TSPAN17: variants seen among roughly 807,000 people sequenced by gnomAD.
The protein encoded by TSPAN17 is tetraspanin-17.
TSPAN17 carries 33 observed loss-of-function variants against 40.5 expected under a neutral mutation model. The ratio of observed to expected loss-of-function variants is 0.81; its 90% CI spans 0.62 to 1.09. The LOEUF is 1.09. TSPAN17 is among the 50% of genes least tolerant of loss of function. The pLI is 0.00. For missense variants in TSPAN17, 365 were observed against 416.8 expected (o/e 0.88, Z 1.08); for synonymous variants, 166 against 169.4 (o/e 0.98, Z 0.15).
At position 176,657,733 on chromosome 5, in the gene TSPAN17, T is replaced by C; in HGVS notation, c.*35T>C. ...AAAAGTCCAGATCCACAGCTTCTCTTGAAGAATGACCACCTGGCTACGCCG... is the reference window on the plus strand; with the variant it reads ...AAAAGTCCAGATCCACAGCTTCTCTCGAAGAATGACCACCTGGCTACGCCG... On this transcript the variant is annotated 3_prime_UTR_variant, in exon 9 of 9. Coordinates refer to ENST00000508164, the MANE Select transcript of TSPAN17 (RefSeq NM_130465.5). The C allele has an allele frequency of 2.0e-6, 3 of 1,533,224 alleles. No individual in the cohort carries two copies. The highest frequency in any genetic ancestry group is 2.6e-6 in the Non-Finnish European group (3 of 1,144,514). 95.0% of individuals were successfully genotyped at this position (1,533,224 alleles called of 1,614,324 possible). A position where few individuals can be genotyped will look rare whatever the true frequency, so the allele number is the denominator to read the frequency against.
rs1761214129 is a variant in TSPAN17, at chr5:176,657,722, A to G, written c.*24A>G. On this transcript the variant is annotated 3_prime_UTR_variant, in exon 9 of 9. Coordinates refer to ENST00000508164, the MANE Select transcript of TSPAN17 (RefSeq NM_130465.5). ...AGATTTCACATAAAAGTCCAGATCC[A>G]CAGCTTCTCTTGAAGAATGACCACC... 1 of 1,540,904 alleles carries G rather than the reference A, an allele frequency of 6.5e-7. No homozygotes were observed. The highest frequency in any genetic ancestry group is 8.7e-7 in the Non-Finnish European group (1 of 1,148,134).
chr5:176,655,650 G>A (rs1761125623), intron 5 of TSPAN17, among the ~76,000 whole-genome samples: 1 of 151,510 alleles, frequency 6.6e-6, no homozygotes, highest in South Asian at 2.1e-4. Flanking sequence ...GGCACGTGGG[G>A]CCAGGTGTGG....
Position 176,647,709 on chromosome 5 carries a change from G to T in TSPAN17, c.87+7G>T. 1 of 1,581,660 alleles carries T rather than the reference G, an allele frequency of 6.3e-7. No individual in the cohort carries two copies. On this transcript the variant is annotated splice_region_variant and intron_variant, in intron 1 of 8. Coordinates refer to ENST00000508164, the MANE Select transcript of TSPAN17 (RefSeq NM_130465.5). ...CTTCAACATTGTCTTCTGGGTGAGC[G>T]CGGGGTCTGCGCCTTGCCCTGTGCT...
chr5:176,657,661 G>A lies in TSPAN17; in HGVS notation c.953G>A (p.Gly318Asp), dbSNP rs1761212067. 6.2e-7 allele frequency: 1 copy of A among 1,606,980 alleles called. No homozygotes were observed. The highest frequency in any genetic ancestry group is 2.2e-5 in the East Asian group (1 of 44,820). ...PPSRHVFFGL[G>D]GLYPEPTFKN... ...AGCCGACATGTTTTCTTTGGCCTGG[G>A]TGGTTTATACCCTGAGCCAACCTTT... Residue 318 changes from glycine (G) to aspartate (D), a missense_variant, in exon 9 of 9, where the codon GGT becomes GAT. Transcript: ENST00000508164.
chr5:176,656,842 TC>T, intron 7 of TSPAN17, 26 bp downstream of exon 7: 1 of 1,614,000 alleles, frequency 6.2e-7, no homozygotes, highest in Non-Finnish European at 8.5e-7. Flanking sequence ...CACGTGCCCC[TC>T]CCCTTGCCGG....
Position 176,654,813 on chromosome 5 carries a change from C to A in TSPAN17, c.457-82C>A. On this transcript the variant is annotated intron_variant, in intron 4 of 8. Transcript: ENST00000508164. This position sits in a 1 kb window ranked among gnomAD's most constrained non-coding sequence, Gnocchi z 4.3. ...CCCTGTCCCAGACAGCCCTGTATTCCTGCAGCCTGGGCTTGTTCCCAAACA... is the reference window on the plus strand; with the variant it reads ...CCCTGTCCCAGACAGCCCTGTATTCATGCAGCCTGGGCTTGTTCCCAAACA... The A allele has an allele frequency of 6.5e-7, 1 of 1,543,362 alleles. No individual in the cohort carries two copies. The highest frequency in any genetic ancestry group is 8.8e-7 in the Non-Finnish European group (1 of 1,137,862).
In TSPAN17 at chr5:176,647,608, C is replaced by T. The variant is rs762837638; in HGVS notation, c.-8C>T. 117 of 1,558,492 alleles carry T rather than the reference C, an allele frequency of 7.5e-5. No individual in the cohort carries two copies. The highest frequency in any genetic ancestry group is 9.3e-5 in the Non-Finnish European group (108 of 1,155,496). ...TCCGGTTTCCGGGCCGGCGGGTGGC[C>T]GCTCACCATGCCCGGCAAGCACCAG... On this transcript the variant is annotated 5_prime_UTR_variant, in exon 1 of 9. Transcript: ENST00000508164.
Position 176,652,919 on chromosome 5 carries a change from T to C in TSPAN17, c.456+6T>C. 6.2e-7 allele frequency: 1 copy of C among 1,613,910 alleles called. No individual in the cohort carries two copies. On this transcript the variant is annotated splice_donor_region_variant and intron_variant, in intron 4 of 8. Coordinates refer to ENST00000508164, the MANE Select transcript of TSPAN17 (RefSeq NM_130465.5). ...TTGACTTTGCTCAGGAATACGTGAG[T>C]CCAGTGTCCAGCCTGGGACACCTGT...
Position 176,656,089 on chromosome 5 carries a change from C to T in TSPAN17, c.594C>T (p.Leu198=), listed in dbSNP as rs537382934. ...CCVRDPAEDV[L]NTQCGYDVRL... is the part of the protein sequence containing the mutation. ...CTGTCTCCCCTCAGGAGGATGTCCT[C>T]AACACCCAGTGTGGCTACGACGTCC... is the stretch of plus-strand genomic sequence containing the variant. The change falls in exon 6 of 9, where the codon CTC becomes CTT. Residue 198 remains leucine, a synonymous_variant. Transcript: ENST00000508164. The T allele has an allele frequency of 4.3e-6, 7 of 1,614,162 alleles. No individual in the cohort carries two copies. The highest frequency in any genetic ancestry group is 1.6e-4 in the Middle Eastern group (1 of 6,062).
Position 176,655,948 on chromosome 5 carries a change from T to C in TSPAN17, c.583-130T>C, listed in dbSNP as rs370494591. On this transcript the variant is annotated intron_variant, in intron 5 of 8. Transcript: ENST00000508164. ...GGCCTCAGAGAGGCTCACTTAAGAC[T>C]GGTGGACACGGCAGAATCCACGGGC... 13 of 816,976 alleles carry C rather than the reference T, an allele frequency of 1.6e-5. No individual in the cohort carries two copies. The African/African-American group carries it at 1.7e-4, about 11-fold the overall frequency. 50.6% of individuals were successfully genotyped at this position (816,976 alleles called of 1,614,324 possible).
Position 176,656,211 on chromosome 5 carries a change from C to A in TSPAN17, c.630+86C>A. The A allele has an allele frequency of 3.5e-6, 5 of 1,423,320 alleles. No individual in the cohort carries two copies. The South Asian group carries it at 6.3e-5, about 18-fold the overall frequency. 88.2% of individuals were successfully genotyped at this position (1,423,320 alleles called of 1,614,324 possible). A position where few individuals can be genotyped will look rare whatever the true frequency, so the allele number is the denominator to read the frequency against. ...GTGTCTATAACCTCCTCTGGAAGGC[C>A]TCAGGGATTCTTTGGGGAGAGGGTG... On this transcript the variant is annotated intron_variant, in intron 6 of 8. Coordinates refer to ENST00000508164, the MANE Select transcript of TSPAN17 (RefSeq NM_130465.5).
intron 8 of TSPAN17, 103 bp downstream of exon 8, chr5:176,657,059 G>T: frequency 1.6e-6 from 2 of 1,226,982 alleles, no homozygotes; most frequent in Non-Finnish European, 2.2e-6. Flanking sequence ...GGCTGCAGGA[G>T]ATGTTCCTGC....
intron 6 of TSPAN17, 35 bp downstream of exon 6, chr5:176,656,160 G>GC: frequency 6.2e-7 from 1 of 1,612,916 alleles, no homozygotes; most frequent in Non-Finnish European, 8.5e-7. Flanking sequence ...GGGCAGGCAG[G>GC]CAGGGGTACT....
rs912257568 is a variant in TSPAN17, at chr5:176,654,497, G to A, written c.457-398G>A. The stretch of plus-strand genomic sequence containing the variant: ...CCTGTCCCTGCACTGAAGAGAGGAG[G>A]GCTTTGTAGAACCTCTGGGGCAAGT... On this transcript the variant is annotated intron_variant, in intron 4 of 8. Transcript: ENST00000508164. This position sits in a 1 kb window ranked among gnomAD's most constrained non-coding sequence, Gnocchi z 4.3. The A allele has an allele frequency of 7.4e-5, 15 of 203,706 alleles. No individual in the cohort carries two copies. Among genetic ancestry groups the A allele is most frequent in the Middle Eastern group, 4.6e-4 (1 of 2,180 alleles). 12.6% of individuals were successfully genotyped at this position (203,706 alleles called of 1,614,324 possible).
rs1159569861 is a variant in TSPAN17, at chr5:176,656,042, C to T, written c.583-36C>T. 3.1e-6 allele frequency: 5 copies of T among 1,610,324 alleles called. No individual in the cohort carries two copies. In the South Asian group the frequency reaches 4.4e-5, roughly 14 times the overall value. ...GTACCATGGACCCCATGGGATGCGT[C>T]CTCACCAAGTCACTAACTGGCCTGT... On this transcript the variant is annotated intron_variant, in intron 5 of 8. Transcript: ENST00000508164.
intron 1 of TSPAN17, among the ~76,000 whole-genome samples, chr5:176,649,798 G>A (rs1390609533): frequency 1.3e-5 from 2 of 152,146 alleles, no homozygotes; most frequent in Non-Finnish European, 2.9e-5. Context: ...CGGGCTGTCC[G>A]CCCTTCAGTT....
Position 176,650,711 on chromosome 5 carries a change from G to C in TSPAN17, c.88-905G>C, listed in dbSNP as rs1031477790. Among the ~76,000 whole-genome samples the C allele has an allele frequency of 6.6e-6, 1 of 152,214 alleles. No homozygotes were observed. Among genetic ancestry groups the C allele is most frequent in the African/African-American group, 2.4e-5 (1 of 41,458 alleles). ...GAAGGTGATAAAGGCCTTGGCCGTG[G>C]CTATGTGCTGAGGGGAAGGAGCCTG... On this transcript the variant is annotated intron_variant, in intron 1 of 8. Transcript: ENST00000508164. The surrounding 1 kb of genome is among the most constrained non-coding windows in gnomAD (Gnocchi z 4.0).
In TSPAN17 at chr5:176,657,611, T is replaced by C; in HGVS notation, c.903T>C (p.Thr301=). The change falls in exon 9 of 9, where the codon ACT becomes ACC. Residue 301 remains threonine, a synonymous_variant. Transcript: ENST00000508164. ...STAGPQQNSL[T]GAPGPAPPSR... ...CGGGGCCTCAGCAGAACTCTCTGAC[T>C]GGGGCCCCTGGCCCGGCCCCACCCA... The C allele has an allele frequency of 6.2e-7, 1 of 1,613,744 alleles. No individual in the cohort carries two copies. Among genetic ancestry groups the C allele is most frequent in the East Asian group, 2.2e-5 (1 of 44,896 alleles).
At chr5:176,652,486 T>A (rs1761007126) in intron 3 of TSPAN17, among the ~76,000 whole-genome samples, 1 of 152,176 alleles carries the variant, frequency 6.6e-6, no homozygotes, top group Non-Finnish European at 1.5e-5. Flanking sequence ...CCTTGGAAAC[T>A]AAAGGTTTGC....
Sources: allele counts gnomAD v4.1 joint callset (sites outside exome capture counted in the v4.1 genomes callset), GRCh38; gene constraint gnomAD v4.1.1; non-coding constraint Gnocchi (gnomAD v3.1); transcripts MANE v1.5; gene names NCBI Gene and HGNC (gene_info 2026-07-23, HGNC 2026-07-21).